EPC1: variants seen among roughly 807,000 people sequenced by gnomAD.
EPC1 encodes enhancer of polycomb homolog 1.
Under a neutral mutation model 98.4 loss-of-function variants are expected in EPC1, and 12 were observed. The observed-to-expected ratio is 0.12, with a 90% CI of 0.08 to 0.20. The LOEUF (loss-of-function observed/expected upper bound fraction) is 0.20. Ranked by LOEUF, EPC1 falls within the 10% of genes least tolerant of loss-of-function variation. EPC1 has a pLI of 1.00. For synonymous variants in EPC1, 357 were observed against 363.9 expected, an observed-to-expected ratio of 0.98 and a Z score of 0.21; for missense variants, 729 against 990.5, an observed-to-expected ratio of 0.74 and a Z score of 3.54.
intron 4 of EPC1, 68 bp from the exon 5 acceptor site, chr10:32,292,712 A>G (rs2132735074): frequency 1.4e-6 from 2 of 1,412,834 alleles, no homozygotes; most frequent in Non-Finnish European, 1.9e-6. Flanking sequence ...TTATTGACCC[A>G]TAAAATTTAT....
intron 10 of EPC1, among the ~76,000 whole-genome samples, chr10:32,279,357 A>G (rs1836279356): frequency 1.3e-5 from 2 of 151,912 alleles, no homozygotes; most frequent in Middle Eastern, 3.4e-3. Flanking sequence ...TAAAAAAAAA[A>G]AAAAAAGAAA....
chr10:32,366,324 A>G (rs184272752), intron 1 of EPC1, among the ~76,000 whole-genome samples: 1 of 152,330 alleles, frequency 6.6e-6, no homozygotes, highest in Non-Finnish European at 1.5e-5. Flanking sequence ...TAGTGAACTT[A>G]CTTCCTATAA....
chr10:32,364,615 A>G (rs1339438301), intron 1 of EPC1, among the ~76,000 whole-genome samples: 1 of 151,802 alleles, frequency 6.6e-6, no homozygotes, highest in Non-Finnish European at 1.5e-5. Flanking sequence ...AACTCTTTCA[A>G]CTCTCAAATT....
At chr10:32,306,857 A>AACACACAC (rs3029539) in intron 1 of EPC1, among the ~76,000 whole-genome samples, 10 of 149,644 alleles carry the variant, frequency 6.7e-5, no homozygotes, top group Middle Eastern at 6.4e-3. Context: ...ATTAAATTCA[A>AACACACAC]ACACACACAC....
At chr10:32,374,813 G>T (rs192374263) in intron 1 of EPC1, among the ~76,000 whole-genome samples, 1 of 151,902 alleles carries the variant, frequency 6.6e-6, no homozygotes, top group African/African-American at 2.4e-5. Flanking sequence ...GCTTAATATT[G>T]CATCATAGCA....
chr10:32,336,556 C>T (rs1440588349), intron 1 of EPC1, among the ~76,000 whole-genome samples: 1 of 152,102 alleles, frequency 6.6e-6, no homozygotes, highest in African/African-American at 2.4e-5. Flanking sequence ...TCTATCAATC[C>T]TTTTACATTT....
chr10:32,353,682 G>A (rs548018690), intron 1 of EPC1, among the ~76,000 whole-genome samples: 34 of 152,164 alleles, frequency 2.2e-4, no homozygotes, highest in Non-Finnish European at 4.6e-4. Flanking sequence ...TACTGTATTT[G>A]TATTTAATTG....
At chr10:32,331,432 T>A (rs1438337668) in intron 1 of EPC1, among the ~76,000 whole-genome samples, 4 of 151,912 alleles carry the variant, frequency 2.6e-5, no homozygotes, top group Non-Finnish European at 5.9e-5. Flanking sequence ...TTTCAAAACT[T>A]TCAGATTAGA....
intron 1 of EPC1, among the ~76,000 whole-genome samples, chr10:32,309,285 A>T (rs75025810): frequency 0.033 from 4,982 of 152,220 alleles, 273 homozygotes; most frequent in African/African-American, 0.11. Flanking sequence ...TAGAATTGGA[A>T]AGTTCCTAAG....
chr10:32,281,123 C>T (rs1005672245), intron 10 of EPC1, among the ~76,000 whole-genome samples: 9 of 152,156 alleles, frequency 5.9e-5, no homozygotes, highest in African/African-American at 2.2e-4. Context: ...CAACGTCTGC[C>T]TCCTGGGTTC....
At chr10:32,306,001 AG>A in intron 1 of EPC1, 70 bp from the exon 2 acceptor site, 3 of 1,392,088 alleles carry the variant, frequency 2.2e-6, no homozygotes, top group Non-Finnish European at 2.8e-6. Flanking sequence ...ATAGCCAAAA[AG>A]GTTTTTTTGG....
chr10:32,360,385 G>T (rs116134253), intron 1 of EPC1, among the ~76,000 whole-genome samples: 3 of 152,206 alleles, frequency 2.0e-5, no homozygotes. Context: ...CTCCCAGGGG[G>T]TCAAGGCCTC....
At chr10:32,358,976 T>C (rs1203044208) in intron 1 of EPC1, among the ~76,000 whole-genome samples, 1 of 152,214 alleles carries the variant, frequency 6.6e-6, no homozygotes, top group South Asian at 2.1e-4. Flanking sequence ...AGGCTCACCA[T>C]GTATAGGCTC....
intron 1 of EPC1, among the ~76,000 whole-genome samples, chr10:32,320,487 C>T (rs572605792): frequency 2.0e-5 from 3 of 152,320 alleles, no homozygotes; most frequent in Admixed American, 6.5e-5. Context: ...ATAAGCTATG[C>T]TGAACAACGT....
intron 9 of EPC1, chr10:32,285,256 A>G: frequency 2.2e-6 from 1 of 461,702 alleles, no homozygotes; most frequent in Non-Finnish European, 3.8e-6. Flanking sequence ...TTGTTTTTCA[A>G]CTAAAGATTT....
At chr10:32,323,505 T>G (rs1286360770) in intron 1 of EPC1, among the ~76,000 whole-genome samples, 1 of 152,222 alleles carries the variant, frequency 6.6e-6, no homozygotes, top group Non-Finnish European at 1.5e-5. Context: ...AAACAAAGTT[T>G]CTGATTTCAT....
chr10:32,298,745 C>T (rs1835318632), intron 2 of EPC1, among the ~76,000 whole-genome samples: 1 of 152,126 alleles, frequency 6.6e-6, no homozygotes, highest in African/African-American at 2.4e-5. Context: ...TTTGAAATCT[C>T]AGATATAAGA....
chr10:32,313,860 T>C (rs1270501348), intron 1 of EPC1, among the ~76,000 whole-genome samples: 2 of 151,894 alleles, frequency 1.3e-5, no homozygotes, highest in Admixed American at 1.3e-4. Context: ...CACTCCAGCC[T>C]GGGCGACACA....
intron 10 of EPC1, among the ~76,000 whole-genome samples, chr10:32,279,963 T>C (rs1400921003): frequency 1.3e-5 from 2 of 152,112 alleles, no homozygotes; most frequent in Non-Finnish European, 2.9e-5. Context: ...TCCTGCTGCA[T>C]GGTATCCAGA....
Sources: gnomAD v4.1 joint callset for allele counts (sites outside exome capture counted in the v4.1 genomes callset) on GRCh38, gnomAD v4.1.1 for gene constraint, MANE v1.5 for transcripts, NCBI Gene and HGNC (gene_info 2026-07-23, HGNC 2026-07-21) for gene names.